The following CNTN1 variants were observed in gnomAD, a reference collection of about 807,000 sequenced individuals.
The protein encoded by CNTN1 is contactin 1, also known as contactin-1.
A neutral mutation model predicts 126.4 loss-of-function variants in CNTN1; 38 were observed. That is an observed-to-expected ratio of 0.30 (90% confidence interval 0.23 to 0.39). The LOEUF (loss-of-function observed/expected upper bound fraction) is 0.39, where lower values mean the gene tolerates loss of function less well. Ranked by LOEUF, CNTN1 falls within the 10% of genes least tolerant of loss-of-function variation. The pLI is 1.00. For missense variants in CNTN1, 1,009 were observed against 1,248.4 expected, an observed-to-expected ratio of 0.81 and a Z score of 2.89; for synonymous variants, 413 against 422.6, an observed-to-expected ratio of 0.98 and a Z score of 0.28.
chr12:40,953,625 G>A (rs571944982), intron 14 of CNTN1, among the ~76,000 whole-genome samples: 35 of 152,168 alleles, frequency 2.3e-4, no homozygotes, highest in African/African-American at 3.9e-4. Context: ...TGGGCTTATC[G>A]ATAAAAGAGT....
At chr12:40,890,277 C>T (rs1310416417) in intron 1 of CNTN1, among the ~76,000 whole-genome samples, 1 of 152,108 alleles carries the variant, frequency 6.6e-6, no homozygotes, top group Non-Finnish European at 1.5e-5. Context: ...CACACATAGC[C>T]TCCCCCACTG....
intron 1 of CNTN1, among the ~76,000 whole-genome samples, chr12:40,701,588 T>C (rs770566020): frequency 6.6e-6 from 1 of 152,134 alleles, no homozygotes; most frequent in Non-Finnish European, 1.5e-5. Context: ...CTTTGTAGAG[T>C]ATTTTTATAC....
At chr12:40,813,232 G>A (rs201539369) in intron 1 of CNTN1, among the ~76,000 whole-genome samples, 6 of 145,722 alleles carry the variant, frequency 4.1e-5, no homozygotes, top group African/African-American at 5.1e-5. Context: ...CTTCTAAAAA[G>A]AAAAAAAAAA....
intron 16 of CNTN1, among the ~76,000 whole-genome samples, chr12:40,984,663 T>C (rs932957766): frequency 1.3e-5 from 2 of 152,180 alleles, no homozygotes; most frequent in African/African-American, 2.4e-5. Flanking sequence ...ACCTCCAATA[T>C]TGGGGATCAA....
intron 17 of CNTN1, among the ~76,000 whole-genome samples, chr12:41,010,655 C>A (rs1425133373): frequency 6.6e-6 from 1 of 152,180 alleles, no homozygotes; most frequent in East Asian, 1.9e-4. Flanking sequence ...CTGTCCTCGA[C>A]TGATTCAGGG....
intron 1 of CNTN1, among the ~76,000 whole-genome samples, chr12:40,699,825 A>G (rs999524605): frequency 6.6e-6 from 1 of 152,138 alleles, no homozygotes; most frequent in Admixed American, 6.5e-5. Flanking sequence ...AATCTGGACA[A>G]GTAAGATGAT....
Position 40,819,315 on chromosome 12 carries a change from C to T in CNTN1, c.-76-89042C>T, listed in dbSNP as rs188308480. ...TAAGTCTGCTGGTCCCCAGAGACTG[C>T]GGCCACCCCTCTCACTAGGGGCTCA... On this transcript the variant is annotated intron_variant, in intron 1 of 23. Transcript: ENST00000551295. 3.9e-3 allele frequency among the ~76,000 whole-genome samples: 598 copies of T among 152,246 alleles called. 8 individuals are homozygous for T. The highest frequency in any genetic ancestry group is 0.014 in the African/African-American group (567 of 41,560).
chr12:41,013,884 CACA>C (rs1223335069), intron 17 of CNTN1, among the ~76,000 whole-genome samples: 1 of 152,164 alleles, frequency 6.6e-6, no homozygotes, highest in African/African-American at 2.4e-5. Context: ...ATGAAACTAA[CACA>C]ACATTAAGTT....
intron 14 of CNTN1, among the ~76,000 whole-genome samples, chr12:40,948,016 A>G (rs993123723): frequency 2.3e-4 from 35 of 151,732 alleles, no homozygotes; most frequent in African/African-American, 8.0e-4. Context: ...AAAATTCTCT[A>G]AGCCTCAGAA....
chr12:40,703,774 C>T (rs1009369389), intron 1 of CNTN1, among the ~76,000 whole-genome samples: 3 of 128,820 alleles, frequency 2.3e-5, no homozygotes, highest in Non-Finnish European at 3.2e-5. Flanking sequence ...TCCTTCTTTC[C>T]TTCATTTATA....
chr12:40,791,433 C>T (rs188495799), intron 1 of CNTN1, among the ~76,000 whole-genome samples: 1 of 152,232 alleles, frequency 6.6e-6, no homozygotes, highest in East Asian at 1.9e-4. Flanking sequence ...AAAGTTGGAT[C>T]ATTTTCTCTA....
At chr12:40,922,560 T>C in intron 5 of CNTN1, 132 bp downstream of exon 5, 2 of 794,002 alleles carry the variant, frequency 2.5e-6, no homozygotes, top group Non-Finnish European at 4.3e-6. Context: ...TGGACCCTAA[T>C]TGTGTAATGG....
chr12:40,749,768 AT>A (rs1339186851), intron 1 of CNTN1, among the ~76,000 whole-genome samples: 16 of 96,712 alleles, frequency 1.7e-4, no homozygotes, highest in South Asian at 3.3e-4. Flanking sequence ...TTTACATTTC[AT>A]GAAAAGTAAA....
chr12:41,043,219 C>T (rs1445466926), intron 23 of CNTN1, among the ~76,000 whole-genome samples: 2 of 152,040 alleles, frequency 1.3e-5, no homozygotes, highest in African/African-American at 4.8e-5. Flanking sequence ...AGGCAACCTA[C>T]AAAATGGGAG....
intron 15 of CNTN1, among the ~76,000 whole-genome samples, chr12:40,960,416 GTTTAT>G (rs1395867224): frequency 6.6e-6 from 1 of 151,504 alleles, no homozygotes; most frequent in Non-Finnish European, 1.5e-5. Flanking sequence ...TTTGTGGCTT[GTTTAT>G]TTTAATTCTC....
intron 7 of CNTN1, among the ~76,000 whole-genome samples, chr12:40,930,721 T>C (rs1945853780): frequency 6.6e-6 from 1 of 151,994 alleles, no homozygotes; most frequent in Non-Finnish European, 1.5e-5. Context: ...GATTAACAGA[T>C]TTAGGTTTGG....
chr12:40,885,756 G>T (rs11178891), intron 1 of CNTN1, among the ~76,000 whole-genome samples: 82,611 of 151,806 alleles, frequency 0.54, 23,104 homozygotes, highest in African/African-American at 0.67. Flanking sequence ...TCTTTCAAGT[G>T]TAGAGAAATC....
rs1044722243 is a variant in CNTN1 at position 40,847,918 on chromosome 12, G to A, written c.-76-60439G>A. On this transcript the variant is annotated intron_variant, in intron 1 of 23. Transcript: ENST00000551295. ...AAGGCATTAGATTCTCATAAGAAGC[G>A]CACAATCTAGATCCTTTGCATCACT... is the stretch of plus-strand genomic sequence containing the variant. Among the ~76,000 whole-genome samples the A allele has an allele frequency of 7.2e-5, 11 of 152,294 alleles. No homozygotes were observed. In the East Asian group the frequency reaches 9.7e-4, roughly 13 times the overall value.
At chr12:41,064,790 T>TAGATAGAC (rs1396889085) in intron 23 of CNTN1, among the ~76,000 whole-genome samples, 4 of 151,808 alleles carry the variant, frequency 2.6e-5, no homozygotes, top group Admixed American at 6.6e-5. Context: ...GATAGATAGA[T>TAGATAGAC]AGATAGATAG....
Sources: allele counts gnomAD v4.1 joint callset (sites outside exome capture counted in the v4.1 genomes callset), GRCh38; gene constraint gnomAD v4.1.1; transcripts MANE v1.5; gene names NCBI Gene and HGNC (gene_info 2026-07-23, HGNC 2026-07-21).